The following LRRC7 variants were observed in gnomAD, a reference collection of about 807,000 sequenced individuals.
LRRC7 encodes the protein leucine rich repeat containing 7.
In LRRC7, 23 loss-of-function variants were observed where a neutral mutation model predicts 175.7. The observed-to-expected ratio is 0.13, with a 90% confidence interval of 0.09 to 0.19. The LOEUF (loss-of-function observed/expected upper bound fraction) is 0.19. LRRC7 is among the 10% of genes least tolerant of loss of function. The pLI, the probability that LRRC7 is intolerant of heterozygous loss-of-function variation, is 1.00. For missense variants in LRRC7, 1,354 were observed against 1,904.7 expected (o/e 0.71, Z 5.38); for synonymous variants, 685 against 680.9 (o/e 1.01, Z -0.09).
intron 7 of LRRC7, among the ~76,000 whole-genome samples, chr1:69,856,099 T>A (rs189329013): frequency 1.3e-5 from 2 of 152,308 alleles, no homozygotes; most frequent in Admixed American, 1.3e-4. Flanking sequence ...TCTGTGTCTT[T>A]TAATTGGAGC....
intron 26 of LRRC7, among the ~76,000 whole-genome samples, chr1:70,109,414 C>T (rs1421628727): frequency 6.6e-6 from 1 of 152,192 alleles, no homozygotes; most frequent in Non-Finnish European, 1.5e-5. Flanking sequence ...TAAGCTACTT[C>T]AGCCTGTGCC....
chr1:69,695,743 C>T (rs182825934), intron 2 of LRRC7, among the ~76,000 whole-genome samples: 1 of 152,316 alleles, frequency 6.6e-6, no homozygotes, highest in East Asian at 1.9e-4. Flanking sequence ...CTGGCTTCAG[C>T]CTTAGCTTAA....
intron 3 of LRRC7, among the ~76,000 whole-genome samples, chr1:69,778,473 G>A (rs1033627572): frequency 6.6e-6 from 1 of 152,080 alleles, no homozygotes; most frequent in Non-Finnish European, 1.5e-5. Flanking sequence ...GTAACAGTGG[G>A]TTATAGAAAT....
intron 26 of LRRC7, among the ~76,000 whole-genome samples, chr1:70,113,373 A>G (rs1665645316): frequency 2.0e-5 from 3 of 152,204 alleles, no homozygotes; most frequent in South Asian, 4.1e-4. Flanking sequence ...CACAAAGCCC[A>G]TGCACTAAAT....
intron 1 of LRRC7, among the ~76,000 whole-genome samples, chr1:69,650,439 C>G (rs1163631659): frequency 6.7e-6 from 1 of 149,846 alleles, no homozygotes; most frequent in Non-Finnish European, 1.5e-5. Flanking sequence ...ACTCAGGAGA[C>G]TGAGGCTGGA....
At chr1:69,833,503 T>C (rs1370593356) in intron 5 of LRRC7, among the ~76,000 whole-genome samples, 1 of 152,106 alleles carries the variant, frequency 6.6e-6, no homozygotes, top group Non-Finnish European at 1.5e-5. Flanking sequence ...TTTATACGTA[T>C]ATGTACGTAC....
intron 24 of LRRC7, among the ~76,000 whole-genome samples, chr1:70,089,119 A>G (rs768645307): frequency 2.6e-5 from 4 of 152,142 alleles, no homozygotes; most frequent in Admixed American, 6.6e-5. Flanking sequence ...CTCCTACTCC[A>G]GGAGCTGCTG....
At chr1:69,588,235 T>C (rs1569733308) in intron 1 of LRRC7, among the ~76,000 whole-genome samples, 1 of 152,216 alleles carries the variant, frequency 6.6e-6, no homozygotes, top group Non-Finnish European at 1.5e-5. Context: ...TAATTGTTGA[T>C]GTGTCTCTTT....
At chr1:69,790,022 C>G (rs1160963866) in intron 3 of LRRC7, among the ~76,000 whole-genome samples, 1 of 148,494 alleles carries the variant, frequency 6.7e-6, no homozygotes, top group East Asian at 1.9e-4. Context: ...AAAAAAGACT[C>G]CTTAAAAATC....
chr1:69,746,408 G>A (rs75184545), intron 2 of LRRC7, among the ~76,000 whole-genome samples: 1,593 of 151,854 alleles, frequency 0.01, 32 homozygotes, highest in African/African-American at 0.037. Flanking sequence ...AAATGAGTGG[G>A]CACCTTATTG....
intron 7 of LRRC7, among the ~76,000 whole-genome samples, chr1:69,844,464 A>AGCCTAT (rs1389390507): frequency 1.3e-5 from 2 of 152,164 alleles, no homozygotes. Context: ...TTCTGTGATT[A>AGCCTAT]GCCTATGCCA....
intron 26 of LRRC7, among the ~76,000 whole-genome samples, chr1:70,118,073 AC>A: frequency 6.6e-6 from 1 of 151,678 alleles, no homozygotes; most frequent in Non-Finnish European, 1.5e-5. Context: ...GCACACACAC[AC>A]ACACACACAC....
intron 2 of LRRC7, among the ~76,000 whole-genome samples, chr1:69,717,775 AAAGAAAGAAAGAAAG>A (rs1665567594): frequency 8.6e-5 from 1 of 11,590 alleles, no homozygotes; most frequent in Non-Finnish European, 1.8e-4. Flanking sequence ...AGAAAAAAAG[AAAGAAAGAAAGAAAG>A]AAAGAAAGAA....
At chr1:69,763,451 A>C (rs1264628399) in intron 3 of LRRC7, among the ~76,000 whole-genome samples, 3 of 152,084 alleles carry the variant, frequency 2.0e-5, no homozygotes. Flanking sequence ...TAATTGTGTC[A>C]CATGTTTACT....
At chr1:69,799,680 T>C (rs371425140) in intron 4 of LRRC7, among the ~76,000 whole-genome samples, 2 of 152,126 alleles carry the variant, frequency 1.3e-5, no homozygotes, top group East Asian at 1.9e-4. Context: ...TTCTGCAGAC[T>C]TTCTGTTCAC....
Position 70,028,252 on chromosome 1 carries a change from G to T in LRRC7, c.1876G>T (p.Gly626Cys). 1 of 1,613,710 alleles carries T rather than the reference G, an allele frequency of 6.2e-7. No individual in the cohort carries two copies. Among genetic ancestry groups the T allele is most frequent in the South Asian group, 1.1e-5 (1 of 91,072 alleles). Reference sequence around the variant, plus strand: ...GGTAAAATCTGTTCAAAATTTGGTGGGTAAGCCAAGCCATGGAGTGCGTGT... The same window carrying T: ...GGTAAAATCTGTTCAAAATTTGGTGTGTAAGCCAAGCCATGGAGTGCGTGT... ...NMVKSVQNLV[G>C]KPSHGVRVEN... Residue 626 changes from glycine to cysteine, a missense_variant, in exon 18 of 27, where the codon GGT becomes TGT. This residue lies in a region of LRRC7 where 1,032 missense variants were observed against 1,227.2 expected (regional missense o/e 0.84). Coordinates refer to ENST00000651989, the MANE Select transcript of LRRC7 (RefSeq NM_001370785.2).
chr1:69,930,818 G>A (rs189804903), intron 7 of LRRC7, among the ~76,000 whole-genome samples: 1 of 148,240 alleles, frequency 6.7e-6, no homozygotes, highest in Non-Finnish European at 1.5e-5. Flanking sequence ...AGGAGGAACT[G>A]TCAAACACTT....
chr1:69,857,497 A>G (rs1008321656), intron 7 of LRRC7, among the ~76,000 whole-genome samples: 12 of 151,984 alleles, frequency 7.9e-5, no homozygotes, highest in African/African-American at 2.7e-4. Flanking sequence ...TCATGAGTGA[A>G]CTCCCATTCA....
chr1:69,637,314 T>C (rs912122065), intron 1 of LRRC7, among the ~76,000 whole-genome samples: 4 of 152,002 alleles, frequency 2.6e-5, no homozygotes, highest in African/African-American at 4.8e-5. Flanking sequence ...TGTTTTTATA[T>C]TTTCCATAAA....
Sources: allele counts gnomAD v4.1 joint callset (sites outside exome capture counted in the v4.1 genomes callset), GRCh38; gene constraint gnomAD v4.1.1; regional missense constraint gnomAD v4.1.1; transcripts MANE v1.5; gene names NCBI Gene and HGNC (gene_info 2026-07-23, HGNC 2026-07-21).